WNT3A: variants seen among roughly 807,000 people sequenced by gnomAD.
WNT3A encodes the protein protein Wnt-3a.
Under a neutral mutation model 37.0 loss-of-function variants are expected in WNT3A, and 17 were observed. That is an observed-to-expected ratio of 0.46 (90% confidence interval 0.31 to 0.69). The LOEUF (loss-of-function observed/expected upper bound fraction) is 0.69, where lower values mean the gene tolerates loss of function less well. WNT3A is among the 30% of genes least tolerant of loss of function. WNT3A has a pLI of 0.05. For synonymous variants in WNT3A, 187 were observed against 211.0 expected (o/e 0.89, Z 0.99); for missense variants, 411 against 510.2 (o/e 0.81, Z 1.87).
chr1:228,018,460 A>T (rs926124410), intron 1 of WNT3A, among the ~76,000 whole-genome samples: 1 of 151,096 alleles, frequency 6.6e-6, no homozygotes. Flanking sequence ...TGGTGTAATC[A>T]GAGCTCACTG....
chr1:228,050,975 T>A lies in WNT3A; in HGVS notation c.579+54T>A. On this transcript the variant is annotated intron_variant, in intron 3 of 3. Coordinates refer to ENST00000284523, the MANE Select transcript of WNT3A (RefSeq NM_033131.4). This position sits in a 1 kb window ranked among gnomAD's most constrained non-coding sequence, Gnocchi z 5.0. ...GGAAAAAGGAGCCTCCTCAGCAGGG[T>A]GTGTGCCCTGGTTCCTTGGGGCATA... 2.0e-6 allele frequency: 3 copies of A among 1,476,960 alleles called. No homozygotes were observed. The highest frequency in any genetic ancestry group is 2.5e-5 in the Admixed American group (1 of 39,850). 91.5% of individuals were successfully genotyped at this position (1,476,960 alleles called of 1,614,324 possible). A position where few individuals can be genotyped will look rare whatever the true frequency, so the allele number is the denominator to read the frequency against.
chr1:228,050,064 C>A lies in WNT3A; in HGVS notation c.314-592C>A, dbSNP rs1462267594. ...AAAGGGCTGGGATTACAGATGTAAGCCACCTTGCCAGCTGTATGTTTTTTA... is the reference window on the plus strand; with the variant it reads ...AAAGGGCTGGGATTACAGATGTAAGACACCTTGCCAGCTGTATGTTTTTTA... On this transcript the variant is annotated intron_variant, in intron 2 of 3. Transcript: ENST00000284523. This position sits in a 1 kb window ranked among gnomAD's most constrained non-coding sequence, Gnocchi z 5.0. 6.6e-6 allele frequency among the ~76,000 whole-genome samples: 1 copy of A among 151,960 alleles called. No individual in the cohort carries two copies. Among genetic ancestry groups the A allele is most frequent in the Non-Finnish European group, 1.5e-5 (1 of 67,998 alleles).
At chr1:228,047,403 G>A (rs1343072482) in intron 2 of WNT3A, among the ~76,000 whole-genome samples, 1 of 152,172 alleles carries the variant, frequency 6.6e-6, no homozygotes, top group Non-Finnish European at 1.5e-5. Context: ...TTCTTGTTAT[G>A]GGAGCAACGT....
At chr1:228,040,331 T>G (rs1483741597) in intron 2 of WNT3A, among the ~76,000 whole-genome samples, 1 of 152,120 alleles carries the variant, frequency 6.6e-6, no homozygotes, top group Non-Finnish European at 1.5e-5. Context: ...CTTTTCCCAC[T>G]GTCACCCCCT....
chr1:228,051,068 C>G, intron 3 of WNT3A, 147 bp downstream of exon 3: 1 of 1,099,560 alleles, frequency 9.1e-7, no homozygotes, highest in Non-Finnish European at 1.2e-6. Flanking sequence ...GTGTGCGAAG[C>G]TTAGCACCAT....
At chr1:228,013,536 C>T (rs937974654) in intron 1 of WNT3A, among the ~76,000 whole-genome samples, 5 of 152,194 alleles carry the variant, frequency 3.3e-5, no homozygotes, top group South Asian at 2.1e-4. Context: ...CCAGCTGGGC[C>T]GGCGGGCAGG....
intron 1 of WNT3A, among the ~76,000 whole-genome samples, chr1:228,010,649 T>C (rs999733340): frequency 3.3e-5 from 5 of 152,158 alleles, no homozygotes; most frequent in African/African-American, 1.2e-4. Context: ...GACTATGGGA[T>C]CCCAAGCACA....
intron 1 of WNT3A, among the ~76,000 whole-genome samples, chr1:228,012,395 G>GCGGTTTGA (rs2030399300): frequency 6.6e-6 from 1 of 152,230 alleles, no homozygotes; most frequent in Admixed American, 6.5e-5. Flanking sequence ...TGACATTGTA[G>GCGGTTTGA]CGGTTTGACG....
At chr1:228,045,308 A>G (rs1231755724) in intron 2 of WNT3A, among the ~76,000 whole-genome samples, 2 of 152,152 alleles carry the variant, frequency 1.3e-5, no homozygotes, top group Non-Finnish European at 1.5e-5. Context: ...TGAGGTGGGA[A>G]GGCAGACTCA....
chr1:228,040,834 C>T (rs1217189798), intron 2 of WNT3A, among the ~76,000 whole-genome samples: 1 of 149,356 alleles, frequency 6.7e-6, no homozygotes, highest in East Asian at 2.0e-4. Context: ...TGCAGTGAGC[C>T]GAGATCGCGC....
chr1:228,028,632 A>G (rs1157513207), intron 2 of WNT3A, among the ~76,000 whole-genome samples: 1 of 152,162 alleles, frequency 6.6e-6, no homozygotes, highest in East Asian at 1.9e-4. Context: ...CTAGTTCCGT[A>G]TAAATTTTAG....
rs373675021 is a variant in WNT3A at position 228,042,231 on chromosome 1, C to T, written c.314-8425C>T. Reference sequence around the variant, plus strand: ...TGACCTCGTCATCTGCCCACCTCAGCCTCCCAAAGTGCTGGGATTACAGCT... The same window carrying T: ...TGACCTCGTCATCTGCCCACCTCAGTCTCCCAAAGTGCTGGGATTACAGCT... On this transcript the variant is annotated intron_variant, in intron 2 of 3. Transcript: ENST00000284523. The surrounding 1 kb of genome is among the most constrained non-coding windows in gnomAD (Gnocchi z 5.2). Among the ~76,000 whole-genome samples, 112 of 152,320 alleles carry T rather than the reference C, an allele frequency of 7.4e-4. 2 individuals carry two copies. In the South Asian group the frequency reaches 0.012, roughly 16 times the overall value.
intron 3 of WNT3A, among the ~76,000 whole-genome samples, chr1:228,055,177 AAAATATATATATATATATATATAT>A (rs1188941804): frequency 3.9e-4 from 16 of 41,496 alleles, no homozygotes; most frequent in South Asian, 2.9e-3. Context: ...AAAAAAAAAA[AAAATATATATATATATATATATAT>A]ATATATATAT....
intron 1 of WNT3A, among the ~76,000 whole-genome samples, chr1:228,010,838 C>T (rs2030348921): frequency 6.6e-6 from 1 of 152,206 alleles, no homozygotes; most frequent in Admixed American, 6.5e-5. Flanking sequence ...ACATCATGAC[C>T]TCCATTTTTA....
At chr1:228,019,378 CCT>C (rs1282871203) in intron 1 of WNT3A, among the ~76,000 whole-genome samples, 1 of 152,220 alleles carries the variant, frequency 6.6e-6, no homozygotes, top group African/African-American at 2.4e-5. Context: ...CAGGCCAGTC[CCT>C]GTTTTGTAAG....
chr1:228,043,480 C>T (rs2031335772), intron 2 of WNT3A, among the ~76,000 whole-genome samples: 1 of 152,220 alleles, frequency 6.6e-6, no homozygotes. Flanking sequence ...GGGATGATTT[C>T]CTGGCCTTCT....
rs532476997 is a variant in WNT3A, at chr1:228,056,127, G to A, written c.580-2859G>A. Among the ~76,000 whole-genome samples the A allele has an allele frequency of 4.6e-5, 7 of 152,342 alleles. No homozygotes were observed. In the East Asian group the frequency reaches 7.7e-4, roughly 17 times the overall value. On this transcript the variant is annotated intron_variant, in intron 3 of 3. Transcript: ENST00000284523. ...TGGAAGGTCCCAATAAAGTGATGCA[G>A]CTAGATCACTCTATAGAGAGGACCA...
At chr1:228,016,092 C>T (rs955516934) in intron 1 of WNT3A, among the ~76,000 whole-genome samples, 4 of 152,132 alleles carry the variant, frequency 2.6e-5, no homozygotes, top group Non-Finnish European at 5.9e-5. Flanking sequence ...TACTACCTTG[C>T]TCTTTTGGGG....
intron 2 of WNT3A, among the ~76,000 whole-genome samples, chr1:228,026,722 C>T (rs1479652833): frequency 6.6e-6 from 1 of 152,164 alleles, no homozygotes; most frequent in Non-Finnish European, 1.5e-5. Context: ...ATTGGTTTTC[C>T]ACTCCTGAGT....
Sources: gnomAD v4.1 joint callset for allele counts (sites outside exome capture counted in the v4.1 genomes callset) on GRCh38, gnomAD v4.1.1 for gene constraint, Gnocchi (gnomAD v3.1) non-coding constraint, MANE v1.5 for transcripts, NCBI Gene and HGNC (gene_info 2026-07-23, HGNC 2026-07-21) for gene names.